Variants in BRD4 observed in about 807,000 individuals in gnomAD.
BRD4 encodes the protein bromodomain containing 4, also known as bromodomain-containing protein 4.
In BRD4, 16 loss-of-function variants were observed where a neutral mutation model predicts 142.1. The ratio of observed to expected loss-of-function variants is 0.11; its 90% CI spans 0.08 to 0.17. The LOEUF is 0.17. Among genes scored for constraint, BRD4 ranks in the 10% least tolerant of loss-of-function variants. The pLI, the probability that BRD4 is intolerant of heterozygous loss-of-function variation, is 1.00. For missense variants in BRD4, 1,424 were observed against 1,810.9 expected, an observed-to-expected ratio of 0.79 and a Z score of 3.88; for synonymous variants, 833 against 707.5, an observed-to-expected ratio of 1.18 and a Z score of -2.82.
At position 15,251,860 on chromosome 19, in the gene BRD4, G is replaced by A. The variant is rs148136503; in HGVS notation, c.2158+2292C>T. 9.4e-3 allele frequency among the ~76,000 whole-genome samples: 1,437 copies of A among 152,318 alleles called. 12 individuals are homozygous for A. The highest frequency in any genetic ancestry group is 0.015 in the Non-Finnish European group (1,009 of 68,022). ...GGATTGGGAAGACAAAAGGGAGCCA[G>A]GCAAAACCCAAGGTGGGGAGGGCGC... On this transcript the variant is annotated intron_variant, in intron 11 of 19. Coordinates refer to ENST00000679869, the MANE Select transcript of BRD4 (RefSeq NM_001379291.1).
At chr19:15,319,427 T>C (rs1176804155) in intron 1 of BRD4, among the ~76,000 whole-genome samples, 1 of 152,092 alleles carries the variant, frequency 6.6e-6, no homozygotes, top group Non-Finnish European at 1.5e-5. Context: ...CACTCCAGCC[T>C]GGATGACAAA....
chr19:15,291,602 T>C (rs566017763), intron 1 of BRD4, among the ~76,000 whole-genome samples: 1 of 152,294 alleles, frequency 6.6e-6, no homozygotes, highest in Non-Finnish European at 1.5e-5. Context: ...AGAATACACA[T>C]TCTCCACTGG....
At position 15,284,944 on chromosome 19, in the gene BRD4, G is replaced by C. The variant is rs16980449; in HGVS notation, c.-34-11811C>G. ...AGTCAAGCAGCCCAACTCTTACACT[G>C]ACAGGCGAGTACATGGAGGTGCTGG... On this transcript the variant is annotated intron_variant, in intron 1 of 19. Transcript: ENST00000679869. Among the ~76,000 whole-genome samples, 587 of 152,272 alleles carry C rather than the reference G, an allele frequency of 3.9e-3. 6 individuals are homozygous for C. The highest frequency in any genetic ancestry group is 0.013 in the African/African-American group (552 of 41,534).
In BRD4 at chr19:15,263,578, G is replaced by A; in HGVS notation, c.1213-30C>T. ...AAAACAAGACAAGTCCCTGTTAGCT[G>A]TGTCTGCCCATGTGACCATGGAGAA... On this transcript the variant is annotated intron_variant, in intron 6 of 19. Transcript: ENST00000679869. 2.5e-6 allele frequency: 4 copies of A among 1,612,076 alleles called. No homozygotes were observed. The Admixed American group carries it at 5.0e-5, about 20-fold the overall frequency.
chr19:15,301,965 G>A (rs143695444), intron 1 of BRD4, among the ~76,000 whole-genome samples: 1,990 of 151,038 alleles, frequency 0.013, 23 homozygotes, highest in Non-Finnish European at 0.019. Context: ...TCAGGAGTTT[G>A]AGACCAGCCT....
At chr19:15,320,941 A>G (rs2048056070) in intron 1 of BRD4, among the ~76,000 whole-genome samples, 2 of 152,222 alleles carry the variant, frequency 1.3e-5, no homozygotes, top group Non-Finnish European at 2.9e-5. Context: ...TACTTTTAGT[A>G]TAGGACTCTG....
At position 15,292,812 on chromosome 19, in the gene BRD4, A is replaced by G. The variant is rs866435000; in HGVS notation, c.-34-19679T>C. On this transcript the variant is annotated intron_variant, in intron 1 of 19. Coordinates refer to ENST00000679869, the MANE Select transcript of BRD4 (RefSeq NM_001379291.1). ...AAAAAAAAAAAAAAAAAAAAAAAAA[A>G]AAAGAAAGAAAGAAAGAAAAGAAAA... is the stretch of plus-strand genomic sequence containing the variant. Among the ~76,000 whole-genome samples, 201 of 142,918 alleles carry G rather than the reference A, an allele frequency of 1.4e-3. 3 individuals are homozygous for G. Among genetic ancestry groups the G allele is most frequent in the East Asian group, 0.01 (52 of 5,006 alleles). 93.8% of individuals were successfully genotyped at this position (142,918 alleles called of 152,430 possible).
At chr19:15,287,549 G>T (rs571860537) in intron 1 of BRD4, among the ~76,000 whole-genome samples, 1 of 151,820 alleles carries the variant, frequency 6.6e-6, no homozygotes, top group East Asian at 2.0e-4. Context: ...GGGCGTTTCA[G>T]AACGCTTTCA....
At chr19:15,287,428 A>G (rs1021357628) in intron 1 of BRD4, among the ~76,000 whole-genome samples, 6 of 152,188 alleles carry the variant, frequency 3.9e-5, no homozygotes, top group African/African-American at 1.4e-4. Flanking sequence ...TATTTTCTTT[A>G]AAGATGGGGT....
Position 15,238,792 on chromosome 19 carries a change from T to C in BRD4, c.3971A>G (p.Gln1324Arg), listed in dbSNP as rs1185592002. ...SSQPQSMLDQ[Q>R]RELARKREQE... ...CTCCCGCTTCCGGGCCAACTCCCTC[T>C]GCTGGTCCAGCATGGACTGGGGCTG... is the stretch of plus-strand genomic sequence containing the variant. Residue 1324 changes from glutamine to arginine, a missense_variant, in exon 19 of 20, where the codon CAG (glutamine) becomes CGG (arginine). Physicochemically the swap from Gln to Arg is conservative, Grantham distance 43. Coordinates refer to ENST00000679869, the MANE Select transcript of BRD4 (RefSeq NM_001379291.1). This position sits in a 1 kb window ranked among gnomAD's most constrained non-coding sequence, Gnocchi z 7.2. The C allele has an allele frequency of 1.3e-6, 2 of 1,591,376 alleles. No individual in the cohort carries two copies. The highest frequency in any genetic ancestry group is 2.3e-5 in the East Asian group (1 of 44,338).
intron 1 of BRD4, among the ~76,000 whole-genome samples, chr19:15,280,960 T>A (rs1232651953): frequency 6.6e-6 from 1 of 152,248 alleles, no homozygotes; most frequent in Non-Finnish European, 1.5e-5. Context: ...ACAACATCAA[T>A]ATCAGAAGGT....
At chr19:15,329,991 G>A (rs1341787504) in intron 1 of BRD4, among the ~76,000 whole-genome samples, 4 of 152,216 alleles carry the variant, frequency 2.6e-5, no homozygotes, top group South Asian at 2.1e-4. Flanking sequence ...GTTATTCTTA[G>A]CTAAAAATTT....
chr19:15,310,049 T>C (rs6512021), intron 1 of BRD4, among the ~76,000 whole-genome samples: 149,821 of 152,084 alleles, frequency 0.99, 73,803 homozygotes, highest in East Asian at 1. Context: ...AGGCAATGCA[T>C]AGAGAAATGT....
At chr19:15,296,370 T>C (rs2047823016) in intron 1 of BRD4, among the ~76,000 whole-genome samples, 1 of 152,194 alleles carries the variant, frequency 6.6e-6, no homozygotes, top group Non-Finnish European at 1.5e-5. Context: ...AACCACAGCA[T>C]CTACCACACT....
At chr19:15,252,276 C>T (rs1056669221) in intron 11 of BRD4, among the ~76,000 whole-genome samples, 2 of 152,208 alleles carry the variant, frequency 1.3e-5, no homozygotes, top group Non-Finnish European at 2.9e-5. Context: ...CTTGTGAGGG[C>T]TAAAGCAGCA....
Position 15,238,191 on chromosome 19 carries a change from T to C in BRD4, c.*186A>G, listed in dbSNP as rs2047209118. On this transcript the variant is annotated 3_prime_UTR_variant, in exon 20 of 20. Coordinates refer to ENST00000679869, the MANE Select transcript of BRD4 (RefSeq NM_001379291.1). This position sits in a 1 kb window ranked among gnomAD's most constrained non-coding sequence, Gnocchi z 7.2. ...GTGGGTGGCGGGACGTCTGTCCGACTGGCCGTAAGGCAGACAGGCTCTGCA... is the reference window on the plus strand; with the variant it reads ...GTGGGTGGCGGGACGTCTGTCCGACCGGCCGTAAGGCAGACAGGCTCTGCA... 1 of 922,890 alleles carries C rather than the reference T, an allele frequency of 1.1e-6. No individual in the cohort carries two copies. The highest frequency in any genetic ancestry group is 1.7e-5 in the African/African-American group (1 of 59,448). The allele number at this position is 922,890 out of a possible 1,614,324, so 57.2% of individuals were successfully genotyped here. A position where few individuals can be genotyped will look rare whatever the true frequency, so the allele number is the denominator to read the frequency against.
chr19:15,277,619 CAAAAA>C (rs67961221), intron 1 of BRD4, among the ~76,000 whole-genome samples: 8 of 96,018 alleles, frequency 8.3e-5, no homozygotes, highest in African/African-American at 2.0e-4. Flanking sequence ...CTATCTCTAC[CAAAAA>C]AAAAAAAAAA....
chr19:15,249,053 G>C, intron 11 of BRD4: 2 of 629,356 alleles, frequency 3.2e-6, no homozygotes, highest in Non-Finnish European at 5.5e-6. Context: ...TCTTTACACA[G>C]AGAGGCCTGG....
At chr19:15,249,007 A>C (rs966068287) in intron 11 of BRD4, 1 of 553,764 alleles carries the variant, frequency 1.8e-6, no homozygotes, top group Non-Finnish European at 3.2e-6. Context: ...AGAGGACCCC[A>C]GAGAACCAGG....
Sources: allele counts gnomAD v4.1 joint callset (sites outside exome capture counted in the v4.1 genomes callset), GRCh38; gene constraint gnomAD v4.1.1; non-coding constraint Gnocchi (gnomAD v3.1); transcripts MANE v1.5; gene names NCBI Gene and HGNC (gene_info 2026-07-23, HGNC 2026-07-21).